WIPF3: variants seen among roughly 807,000 people sequenced by gnomAD.
The protein encoded by WIPF3 is WAS/WASL-interacting protein family member 3.
In WIPF3, 33 loss-of-function variants were observed where a neutral mutation model predicts 38.9. That is an observed-to-expected ratio of 0.85 (90% CI 0.64 to 1.14). WIPF3 has a LOEUF of 1.14. Ranked by LOEUF, WIPF3 falls within the 50% of genes most tolerant of loss-of-function variation. The pLI is 0.00. For missense variants in WIPF3, 711 were observed against 652.5 expected, an observed-to-expected ratio of 1.09 and a Z score of -0.98; for synonymous variants, 324 against 269.3, an observed-to-expected ratio of 1.20 and a Z score of -1.99.
In WIPF3 at chr7:29,876,099, C is replaced by T. The variant is rs1157844111; in HGVS notation, c.223+137C>T. 8.2e-6 allele frequency: 10 copies of T among 1,217,032 alleles called. No homozygotes were observed. In the African/African-American group the frequency reaches 9.1e-5, roughly 11 times the overall value. The allele number at this position is 1,217,032 out of a possible 1,614,324, so 75.4% of individuals were successfully genotyped here. A position where few individuals can be genotyped will look rare whatever the true frequency, so the allele number is the denominator to read the frequency against. The stretch of plus-strand genomic sequence containing the variant: ...AGCCATCTCAGACCTGCTCATTGGA[C>T]AGGCCAAGTGGGCGAGAGAACCAGA... On this transcript the variant is annotated intron_variant, in intron 3 of 8. Transcript: ENST00000242140.
At chr7:29,828,449 A>T (rs1293284128) in intron 1 of WIPF3, among the ~76,000 whole-genome samples, 1 of 152,196 alleles carries the variant, frequency 6.6e-6, no homozygotes, top group Admixed American at 6.5e-5. Flanking sequence ...AAGAGGTTGC[A>T]GTGCAGGTCC....
chr7:29,826,812 G>A (rs1423632565), intron 1 of WIPF3, among the ~76,000 whole-genome samples: 3 of 152,152 alleles, frequency 2.0e-5, no homozygotes, highest in Admixed American at 2.0e-4. Context: ...AACCACGAAA[G>A]TCATTTGTAT....
chr7:29,822,459 T>C (rs1784554799), intron 1 of WIPF3, among the ~76,000 whole-genome samples: 1 of 152,244 alleles, frequency 6.6e-6, no homozygotes, highest in South Asian at 2.1e-4. Context: ...ACCTCATTCC[T>C]AGAATGTCCC....
In WIPF3 at chr7:29,895,373, G is replaced by C. The variant is rs1331157669; in HGVS notation, c.1351+5966G>C. ...AAAACTAGTGTTCAAACAAGAACTT[G>C]TACACAAATATTCATAGCAGCACTA... On this transcript the variant is annotated intron_variant, in intron 7 of 8. Transcript: ENST00000242140. Among the ~76,000 whole-genome samples, 4 of 151,750 alleles carry C rather than the reference G, an allele frequency of 2.6e-5. No individual in the cohort carries two copies. The South Asian group carries it at 8.3e-4, about 31-fold the overall frequency.
intron 8 of WIPF3, among the ~76,000 whole-genome samples, chr7:29,912,975 TAAAC>T (rs1351020784): frequency 6.6e-6 from 1 of 152,190 alleles, no homozygotes; most frequent in Non-Finnish European, 1.5e-5. Context: ...TGAAAAGAGT[TAAAC>T]AAAAGTGGGT....
intron 1 of WIPF3, among the ~76,000 whole-genome samples, chr7:29,819,045 G>T (rs959969563): frequency 4.6e-5 from 7 of 152,148 alleles, no homozygotes; most frequent in African/African-American, 1.7e-4. Flanking sequence ...TCATAAATGA[G>T]ATTGGTCAGT....
chr7:29,903,136 T>A (rs1786322003), intron 7 of WIPF3, among the ~76,000 whole-genome samples: 1 of 151,638 alleles, frequency 6.6e-6, no homozygotes, highest in African/African-American at 2.4e-5. Flanking sequence ...CTACAAAAAA[T>A]TTTAAAAGTT....
chr7:29,901,302 T>A (rs987308986), intron 7 of WIPF3, among the ~76,000 whole-genome samples: 9 of 151,886 alleles, frequency 5.9e-5, no homozygotes, highest in African/African-American at 2.2e-4. Flanking sequence ...ATAAGGGAAA[T>A]TCCCTTTAAG....
At position 29,884,568 on chromosome 7, in the gene WIPF3, G is replaced by A. The variant is rs1206903304; in HGVS notation, c.1074G>A (p.Leu358=). The change falls in exon 5 of 9, where the codon CTG becomes CTA. Residue 358 remains leucine (L), a synonymous_variant. Transcript: ENST00000242140. ...PPAPPGSQPF[L]QKKRHGRPGA... The stretch of plus-strand genomic sequence containing the variant: ...CCCCTCCGGGCTCCCAGCCGTTCCT[G>A]CAGAAGAAGAGGCATGGCCGACCAG... 6.2e-7 allele frequency: 1 copy of A among 1,604,640 alleles called. No homozygotes were observed. The highest frequency in any genetic ancestry group is 8.5e-7 in the Non-Finnish European group (1 of 1,176,848).
chr7:29,838,579 AAAG>A (rs1385707388), intron 2 of WIPF3, among the ~76,000 whole-genome samples: 1 of 152,190 alleles, frequency 6.6e-6, no homozygotes, highest in Non-Finnish European at 1.5e-5. Context: ...TCAGAATTAA[AAAG>A]AAGAAAATGA....
chr7:29,871,317 C>A (rs1479680781), intron 2 of WIPF3, among the ~76,000 whole-genome samples: 2 of 152,170 alleles, frequency 1.3e-5, no homozygotes, highest in Non-Finnish European at 2.9e-5. Context: ...GCTGCTGACG[C>A]CTGTCTGCCC....
chr7:29,875,620 G>C lies in WIPF3; in HGVS notation c.91-210G>C, dbSNP rs79423057. 3.5e-3 allele frequency among the ~76,000 whole-genome samples: 531 copies of C among 152,238 alleles called. 5 individuals are homozygous for C. Among genetic ancestry groups the C allele is most frequent in the African/African-American group, 0.012 (514 of 41,530 alleles). On this transcript the variant is annotated intron_variant, in intron 2 of 8. Coordinates refer to ENST00000242140, the MANE Select transcript of WIPF3 (RefSeq NM_001080529.3). ...TGCACAAGATAGGCACTTGGGACTT[G>C]GTCATCTAAAATAAAGAGTCCCTTC... is the stretch of plus-strand genomic sequence containing the variant.
intron 3 of WIPF3, among the ~76,000 whole-genome samples, chr7:29,877,744 A>G (rs1583615228): frequency 1.3e-5 from 2 of 152,364 alleles, no homozygotes; most frequent in African/African-American, 2.4e-5. Flanking sequence ...ATTGCATGAA[A>G]TTAATATTTT....
At chr7:29,846,265 A>G (rs1040743917) in intron 2 of WIPF3, among the ~76,000 whole-genome samples, 1 of 152,218 alleles carries the variant, frequency 6.6e-6, no homozygotes, top group Non-Finnish European at 1.5e-5. Context: ...TTAAAAATTC[A>G]CAGAAAGGAA....
intron 4 of WIPF3, among the ~76,000 whole-genome samples, chr7:29,879,341 T>A (rs1427566918): frequency 6.6e-6 from 1 of 152,234 alleles, no homozygotes; most frequent in Non-Finnish European, 1.5e-5. Flanking sequence ...TAATTCATCA[T>A]CCTGTTTAAA....
chr7:29,891,966 G>C (rs1786033567), intron 7 of WIPF3, among the ~76,000 whole-genome samples: 1 of 152,210 alleles, frequency 6.6e-6, no homozygotes, highest in East Asian at 1.9e-4. Flanking sequence ...TGGTACATCA[G>C]AGCCCAAGGT....
intron 2 of WIPF3, among the ~76,000 whole-genome samples, chr7:29,846,591 C>T (rs1232936786): frequency 6.6e-6 from 1 of 152,204 alleles, no homozygotes; most frequent in Non-Finnish European, 1.5e-5. Flanking sequence ...ATCCCAGCTA[C>T]TCGGGAGGCT....
rs181738162 is a variant in WIPF3, at chr7:29,866,001, A to G, written c.91-9829A>G. On this transcript the variant is annotated intron_variant, in intron 2 of 8. Coordinates refer to ENST00000242140, the MANE Select transcript of WIPF3 (RefSeq NM_001080529.3). ...TGGTGAAACCCTGTCTCTACTAAAA[A>G]TACAAAAATTAGCCGGGCGTGATGG... 3.6e-4 allele frequency among the ~76,000 whole-genome samples: 55 copies of G among 152,316 alleles called. 1 individual carries two copies. In the East Asian group the frequency reaches 0.01, roughly 29 times the overall value.
At chr7:29,879,556 G>A (rs981934706) in intron 4 of WIPF3, among the ~76,000 whole-genome samples, 2 of 152,186 alleles carry the variant, frequency 1.3e-5, no homozygotes, top group Admixed American at 6.5e-5. Flanking sequence ...GCTGTGTAAC[G>A]AAACACCCTA....
Sources: gnomAD v4.1 joint callset for allele counts (sites outside exome capture counted in the v4.1 genomes callset) on GRCh38, gnomAD v4.1.1 for gene constraint, MANE v1.5 for transcripts, NCBI Gene and HGNC (gene_info 2026-07-23, HGNC 2026-07-21) for gene names.